PDE12: variants seen among roughly 807,000 people sequenced by gnomAD.
The protein encoded by PDE12 is 2',5'-phosphodiesterase 12.
PDE12 carries 26 observed loss-of-function variants against 45.4 expected under a neutral mutation model. The observed-to-expected ratio is 0.57, with a 90% confidence interval of 0.42 to 0.79. The LOEUF (loss-of-function observed/expected upper bound fraction) is 0.79. Ranked by LOEUF, PDE12 falls within the 30% of genes least tolerant of loss-of-function variation. The probability of loss-of-function intolerance (pLI) is 0.00; values close to 1 mark genes in which losing one functional copy is unlikely to be tolerated. For missense variants in PDE12, 668 were observed against 790.0 expected (o/e 0.85, Z 1.85); for synonymous variants, 283 against 323.9 (o/e 0.87, Z 1.36).
chr3:57,628,764 T>A, the PDE12 span: 1 of 1,578,100 alleles, frequency 6.3e-7, no homozygotes, highest in South Asian at 1.1e-5. Flanking sequence ...GAGGACAATG[T>A]CTTCAAAGAA....
At chr3:57,585,589 C>T in the PDE12 span, among the ~76,000 whole-genome samples, 1 of 151,808 alleles carries the variant, frequency 6.6e-6, no homozygotes, top group Non-Finnish European at 1.5e-5. Context: ...ACATTGTGCA[C>T]ATGTACCCTA....
chr3:57,580,654 A>G, the PDE12 span, among the ~76,000 whole-genome samples: 28 of 151,940 alleles, frequency 1.8e-4, no homozygotes, highest in African/African-American at 3.1e-4. Flanking sequence ...ATGGCCTCCC[A>G]AAGTGTTGGT....
At chr3:57,645,861 T>C in the PDE12 span, 3 of 717,862 alleles carry the variant, frequency 4.2e-6, no homozygotes, top group East Asian at 5.7e-5. Context: ...AAGGGATACT[T>C]TGTTTATTTT....
chr3:57,577,214 C>A, the PDE12 span: 1 of 915,582 alleles, frequency 1.1e-6, no homozygotes, highest in Non-Finnish European at 1.7e-6. Context: ...CCCCCCCAAT[C>A]CATTTGTGTA....
downstream of PDE12, among the ~76,000 whole-genome samples, chr3:57,567,391 C>T (rs963062918): frequency 2.6e-5 from 4 of 152,134 alleles, no homozygotes; most frequent in Non-Finnish European, 4.4e-5. Context: ...AACCTAACTC[C>T]GCTGCCTCTA....
the PDE12 span, among the ~76,000 whole-genome samples, chr3:57,617,320 CT>C: frequency 6.6e-6 from 1 of 151,760 alleles, no homozygotes; most frequent in East Asian, 1.9e-4. Flanking sequence ...TAGAGGATTG[CT>C]TAAGCCCGGG....
At chr3:57,571,057 GATCTCA>G (rs2069837247), downstream of PDE12, among the ~76,000 whole-genome samples, 1 of 151,306 alleles carries the variant, frequency 6.6e-6, no homozygotes. Context: ...TGCCAAAGCT[GATCTCA>G]AACTCCTATT....
the PDE12 span, among the ~76,000 whole-genome samples, chr3:57,613,947 TA>T: frequency 6.8e-6 from 1 of 147,724 alleles, no homozygotes; most frequent in Non-Finnish European, 1.5e-5. Context: ...ACAAATAGGT[TA>T]AGAGTGTAAG....
At chr3:57,623,456 A>C in the PDE12 span, among the ~76,000 whole-genome samples, 5 of 152,170 alleles carry the variant, frequency 3.3e-5, no homozygotes, top group African/African-American at 1.2e-4. Context: ...AGGCGGGTGG[A>C]TCACCTAAGG....
At chr3:57,559,202 C>CA (rs2069699517) in intron 1 of PDE12, 108 bp from the exon 2 acceptor site, 1 of 866,072 alleles carries the variant, frequency 1.2e-6, no homozygotes, top group East Asian at 2.5e-5. Context: ...GCCTGGTTGA[C>CA]AGAGTGAGAC....
chr3:57,557,312 G>A lies in PDE12; in HGVS notation c.933G>A (p.Glu311=), dbSNP rs1021788216. The change falls in exon 1 of 3, where the codon GAG becomes GAA. Residue 311 remains glutamate, a synonymous_variant. Transcript: ENST00000311180. ...TGGCAGACACGTACGCGCAGACTGA[G>A]TTCTCGCGAACGGTTCTGTACCCAT... ...NILADTYAQT[E]FSRTVLYPYC... 1 of 1,613,964 alleles carries A rather than the reference G, an allele frequency of 6.2e-7. No individual in the cohort carries two copies. The highest frequency in any genetic ancestry group is 8.5e-7 in the Non-Finnish European group (1 of 1,180,032).
the PDE12 span, among the ~76,000 whole-genome samples, chr3:57,586,826 G>A: frequency 6.6e-6 from 1 of 152,076 alleles, no homozygotes; most frequent in African/African-American, 2.4e-5. Flanking sequence ...ATCTTTAAAT[G>A]GTCCAACAAA....
rs965336365 is a variant in PDE12, at chr3:57,559,364, A to G, written c.1363A>G (p.Thr455Ala). 6.2e-7 allele frequency: 1 copy of G among 1,611,992 alleles called. No homozygotes were observed. The highest frequency in any genetic ancestry group is 1.3e-5 in the African/African-American group (1 of 74,998). Residue 455 changes from threonine to alanine, a missense_variant, in exon 2 of 3, where the codon ACC (threonine) becomes GCC (alanine). Thr to Ala is a moderately conservative substitution (Grantham distance 58). This residue lies in a region of PDE12 where 580 missense variants were observed against 662.9 expected (regional missense o/e 0.87). Coordinates refer to ENST00000311180, the MANE Select transcript of PDE12 (RefSeq NM_177966.7). ...DSSKRICVAN[T>A]HLYWHPKGGY... ...TTCTAAAAGGATATGTGTTGCTAAT[A>G]CCCATCTTTACTGGCATCCTAAAGG...
chr3:57,563,828 G>A lies in PDE12; in HGVS notation c.*3824G>A, dbSNP rs1056990514. 1.3e-5 allele frequency: 2 copies of A among 152,250 alleles called. No homozygotes were observed. The highest frequency in any genetic ancestry group is 1.3e-4 in the Admixed American group (2 of 15,268). 9.4% of individuals were successfully genotyped at this position (152,250 alleles called of 1,614,324 possible). A position where few individuals can be genotyped will look rare whatever the true frequency, so the allele number is the denominator to read the frequency against. The stretch of plus-strand genomic sequence containing the variant: ...GAGCCCATGAGGTCAAGCCTGCAGT[G>A]AGTTGTGATCAAGGTGCGCTGCACT... On this transcript the variant is annotated 3_prime_UTR_variant, in exon 3 of 3. Transcript: ENST00000311180.
At chr3:57,633,353 C>G in the PDE12 span, 2 of 1,609,818 alleles carry the variant, frequency 1.2e-6, no homozygotes, top group African/African-American at 1.3e-5. Flanking sequence ...CTGTTGTACA[C>G]CCTTAAAAGA....
At chr3:57,636,071 G>A in the PDE12 span, among the ~76,000 whole-genome samples, 2 of 152,158 alleles carry the variant, frequency 1.3e-5, no homozygotes, top group African/African-American at 4.8e-5. Flanking sequence ...CAAAATGTGT[G>A]TTAATTGACT....
chr3:57,622,368 A>T, the PDE12 span, among the ~76,000 whole-genome samples: 1 of 152,220 alleles, frequency 6.6e-6, no homozygotes, highest in Non-Finnish European at 1.5e-5. Context: ...TTAAAATCTC[A>T]ATAAAGTACC....
chr3:57,625,422 A>G, the PDE12 span: 2 of 152,716 alleles, frequency 1.3e-5, no homozygotes, highest in East Asian at 3.9e-4. Flanking sequence ...AAGCAGTCCA[A>G]CCCCATTCAG....
At chr3:57,585,154 G>A in the PDE12 span, among the ~76,000 whole-genome samples, 39 of 152,208 alleles carry the variant, frequency 2.6e-4, no homozygotes, top group South Asian at 3.3e-3. Context: ...GTGAGCCACC[G>A]TGCCCAGCCA....
Sources: allele counts gnomAD v4.1 joint callset (sites outside exome capture counted in the v4.1 genomes callset), GRCh38; gene constraint gnomAD v4.1.1; regional missense constraint gnomAD v4.1.1; transcripts MANE v1.5; gene names NCBI Gene and HGNC (gene_info 2026-07-23, HGNC 2026-07-21).